The following LRRC45 variants were observed in gnomAD, a reference collection of about 807,000 sequenced individuals.
The protein encoded by LRRC45 is leucine rich repeat containing 45.
LRRC45 carries 73 observed loss-of-function variants against 85.4 expected under a neutral mutation model. The observed-to-expected ratio is 0.85, with a 90% confidence interval of 0.71 to 1.04. The LOEUF is 1.04. Ranked by LOEUF, LRRC45 falls within the 50% of genes least tolerant of loss-of-function variation. The pLI is 0.00. For missense variants in LRRC45, 937 were observed against 883.3 expected, an observed-to-expected ratio of 1.06 and a Z score of -0.77; for synonymous variants, 429 against 386.0, an observed-to-expected ratio of 1.11 and a Z score of -1.31.
chr17:82,025,849 G>C (rs747665585), intron 5 of LRRC45, among the ~76,000 whole-genome samples: 103 of 152,312 alleles, frequency 6.8e-4, no homozygotes, highest in Non-Finnish European at 1.0e-3. Flanking sequence ...CTTGGCCTTG[G>C]CCAGGAAGGC....
At chr17:82,029,249 C>A (rs1020709161) in intron 13 of LRRC45, 64 bp downstream of exon 13, 2 of 1,479,970 alleles carry the variant, frequency 1.4e-6, no homozygotes, top group African/African-American at 2.8e-5. Context: ...GCAGGGGCCC[C>A]TGGTGTTCGC....
At position 82,025,449 on chromosome 17, in the gene LRRC45, C is replaced by T. The variant is rs776047790; in HGVS notation, c.603C>T (p.Thr201=). The T allele has an allele frequency of 1.2e-6, 2 of 1,610,096 alleles. No individual in the cohort carries two copies. The highest frequency in any genetic ancestry group is 1.1e-5 in the South Asian group (1 of 90,220). ...TGAACTGTCTCCCCAGCAACAGAAC[C>T]CTGTGGAGACTGGACCTGGCTGGGA... ...ALMNCLPSNR[T]LWRLDLAGNN... The change falls in exon 5 of 17, where the codon ACC becomes ACT. Residue 201 remains threonine (T), a synonymous_variant. Coordinates refer to ENST00000306688, the MANE Select transcript of LRRC45 (RefSeq NM_144999.4).
In LRRC45 at chr17:82,028,466, A is replaced by G; in HGVS notation, c.1195A>G (p.Ser399Gly). ...GTTCCAGACCAGGCAGGAGATGACC[A>G]GCATGTCAGCTGAGCTGAAGATGCG... The part of the protein sequence containing the change: ...QLFQTRQEMT[S>G]MSAELKMRAI... The change falls in exon 11 of 17, where the codon AGC becomes GGC. Residue 399 changes from serine to glycine, a missense_variant. Ser to Gly is a moderately conservative substitution (Grantham distance 56). Coordinates refer to ENST00000306688, the MANE Select transcript of LRRC45 (RefSeq NM_144999.4). The G allele has an allele frequency of 6.2e-7, 1 of 1,612,646 alleles. No individual in the cohort carries two copies. The highest frequency in any genetic ancestry group is 1.1e-5 in the South Asian group (1 of 91,052).
At chr17:82,027,983 G>A (rs1279847786) in intron 8 of LRRC45, 28 bp from the exon 9 acceptor site, 4 of 1,578,600 alleles carry the variant, frequency 2.5e-6, no homozygotes, top group Admixed American at 1.8e-5. Flanking sequence ...TCCAACCGGG[G>A]CGGGGGTGCT....
intron 4 of LRRC45, 37 bp downstream of exon 4, chr17:82,025,215 C>A: frequency 6.4e-7 from 1 of 1,556,072 alleles, no homozygotes; most frequent in Non-Finnish European, 8.7e-7. Context: ...TCCCTCATCC[C>A]TCTGAGGCTG....
Position 82,028,257 on chromosome 17 carries a change from A to G in LRRC45, c.1071A>G (p.Lys357=). The change falls in exon 10 of 17, where the codon AAA becomes AAG. Residue 357 remains lysine (K), a synonymous_variant. Coordinates refer to ENST00000306688, the MANE Select transcript of LRRC45 (RefSeq NM_144999.4). Reference sequence around the variant, plus strand: ...AGGAAGCTGCAGAGCGGGAGTCTAAACTCCTCAGAGACTTGTCTGCTGCCA... The same window carrying G: ...AGGAAGCTGCAGAGCGGGAGTCTAAGCTCCTCAGAGACTTGTCTGCTGCCA... ...EQQEAAERES[K]LLRDLSAANE... is the part of the protein sequence containing the mutation. 54 of 1,579,014 alleles carry G rather than the reference A, an allele frequency of 3.4e-5. No homozygotes were observed. The highest frequency in any genetic ancestry group is 4.6e-5 in the Non-Finnish European group (54 of 1,162,444).
In LRRC45 at chr17:82,025,907, TG is replaced by T. The variant is rs552062866; in HGVS notation, c.661+404del. ...GGCCCTGCATGTGAGTCAGGTGAGG[TG>T]GGGCCCCCTGGCTTGTGCTGGCCTC... On this transcript the variant is annotated intron_variant, in intron 5 of 16. Transcript: ENST00000306688. 2.9e-3 allele frequency among the ~76,000 whole-genome samples: 440 copies of T among 152,208 alleles called. 2 individuals carry two copies. In the Middle Eastern group the frequency reaches 0.034, roughly 12 times the overall value.
Position 82,028,273 on chromosome 17 carries a change from T to G in LRRC45, c.1087T>G (p.Ser363Ala). 1 of 1,582,680 alleles carries G rather than the reference T, an allele frequency of 6.3e-7. No homozygotes were observed. Among genetic ancestry groups the G allele is most frequent in the Non-Finnish European group, 8.6e-7 (1 of 1,164,552 alleles). Residue 363 changes from serine (S) to alanine (A), a missense_variant, in exon 10 of 17, where the codon TCT becomes GCT. By Grantham distance (99) the Ser-to-Ala change is moderately conservative (BLOSUM62 1). Transcript: ENST00000306688. ...ERESKLLRDLSAANEKNLLLQ... is the reference protein window; with the variant it reads ...ERESKLLRDLAAANEKNLLLQ... ...GGAGTCTAAACTCCTCAGAGACTTG[T>G]CTGCTGCCAATGAAAAGAACCTGCT...
intron 12 of LRRC45, 103 bp downstream of exon 12, chr17:82,028,786 G>T: frequency 7.8e-7 from 1 of 1,288,340 alleles, no homozygotes; most frequent in South Asian, 1.4e-5. Flanking sequence ...TGCCAACCTT[G>T]GGTCACTGGG....
rs751673034 is a variant in LRRC45 at position 82,027,109 on chromosome 17, TC to T, written c.774+100del. On this transcript the variant is annotated intron_variant, in intron 6 of 16. Coordinates refer to ENST00000306688, the MANE Select transcript of LRRC45 (RefSeq NM_144999.4). ...GCCCCGTGGTCTGCCCATCTTCCCTTCCTCGGGGCCCTGGAGCCTCTCTGAG... is the reference window on the plus strand; with the variant it reads ...GCCCCGTGGTCTGCCCATCTTCCCTTCTCGGGGCCCTGGAGCCTCTCTGAG... 3.8e-4 allele frequency: 419 copies of T among 1,106,280 alleles called. 1 individual carries two copies. The highest frequency in any genetic ancestry group is 5.1e-4 in the Non-Finnish European group (388 of 757,238). The allele number at this position is 1,106,280 out of a possible 1,614,324, so 68.5% of individuals were successfully genotyped here.
intron 7 of LRRC45, 56 bp from the exon 8 acceptor site, chr17:82,027,618 G>T: frequency 6.4e-7 from 1 of 1,566,392 alleles, no homozygotes; most frequent in Non-Finnish European, 8.7e-7. Context: ...GGCCAGAGGG[G>T]TATGGGAGCG....
Position 82,025,100 on chromosome 17 carries a change from C to T in LRRC45, c.454C>T (p.Arg152Cys), listed in dbSNP as rs752338494. 1.4e-5 allele frequency: 23 copies of T among 1,611,062 alleles called. No homozygotes were observed. The highest frequency in any genetic ancestry group is 1.7e-4 in the Middle Eastern group (1 of 6,050). The change falls in exon 4 of 17, where the codon CGC (arginine) becomes TGC (cysteine). Residue 152 changes from arginine to cysteine, a missense_variant. Coordinates refer to ENST00000306688, the MANE Select transcript of LRRC45 (RefSeq NM_144999.4). ...ANGALQRLDL[R>C]NNQISHKGAE... Reference sequence around the variant, plus strand: ...CGGCGCCCTGCAGCGGCTGGACCTCCGCAACAACCAGATCAGTCACAAGGG... The same window carrying T: ...CGGCGCCCTGCAGCGGCTGGACCTCTGCAACAACCAGATCAGTCACAAGGG...
rs751249175 is a variant in LRRC45 at position 82,029,120 on chromosome 17, G to A, written c.1336G>A (p.Glu446Lys). 1.2e-6 allele frequency: 2 copies of A among 1,612,726 alleles called. No homozygotes were observed. Among genetic ancestry groups the A allele is most frequent in the Non-Finnish European group, 1.7e-6 (2 of 1,179,934 alleles). Residue 446 changes from glutamate (E) to lysine (K), a missense_variant, in exon 13 of 17, where the codon GAG becomes AAG. Coordinates refer to ENST00000306688, the MANE Select transcript of LRRC45 (RefSeq NM_144999.4). The stretch of plus-strand genomic sequence containing the variant: ...GGAGCATATGACCCGTCACCTGGAG[G>A]AGAGTGAGAAGGCCATGCAGGAGCG... ...EVEHMTRHLE[E>K]SEKAMQERVQ...
Position 82,024,340 on chromosome 17 carries a change from G to T in LRRC45, c.282+1G>T. On this transcript the variant is annotated splice_donor_variant, in intron 2 of 16. Transcript: ENST00000306688. LOFTEE classifies it high-confidence loss of function. ...CGTGCTGCGCTTTCTGGACTTAAAG[G>T]TGAGATACCTGCACTCTTGAGTGTC... 1 of 1,612,316 alleles carries T rather than the reference G, an allele frequency of 6.2e-7. No individual in the cohort carries two copies. Among genetic ancestry groups the T allele is most frequent in the Non-Finnish European group, 8.5e-7 (1 of 1,179,912 alleles).
intron 5 of LRRC45, among the ~76,000 whole-genome samples, chr17:82,026,604 G>C (rs1364201889): frequency 6.6e-6 from 1 of 151,678 alleles, no homozygotes; most frequent in Non-Finnish European, 1.5e-5. Flanking sequence ...GTGTGTGACT[G>C]AGTTTCACTC....
rs955189834 is a variant in LRRC45, at chr17:82,028,218, C to T, written c.1048-16C>T. The T allele has an allele frequency of 3.2e-6, 5 of 1,565,696 alleles. No homozygotes were observed. Among genetic ancestry groups the T allele is most frequent in the Non-Finnish European group, 4.3e-6 (5 of 1,155,168 alleles). ...GCTTCGTGACCCTCACTACCCATAC[C>T]CCGTTCCCCTCCCAGGAAGCTGCAG... On this transcript the variant is annotated splice_polypyrimidine_tract_variant and intron_variant, in intron 9 of 16. Coordinates refer to ENST00000306688, the MANE Select transcript of LRRC45 (RefSeq NM_144999.4).
At chr17:82,024,836 GC>G in intron 3 of LRRC45, 73 bp downstream of exon 3, 1 of 1,494,188 alleles carries the variant, frequency 6.7e-7, no homozygotes. Flanking sequence ...TGCTTCTGCA[GC>G]CCAAGAGTTC....
Position 82,023,826 on chromosome 17 carries a change from G to T in LRRC45, c.183G>T (p.Thr61=). 1 of 1,568,478 alleles carries T rather than the reference G, an allele frequency of 6.4e-7. No individual in the cohort carries two copies. Residue 61 remains threonine (T), a synonymous_variant, in exon 1 of 17, where the codon ACG becomes ACT. Transcript: ENST00000306688. ...TGCTGCCGAGGGAGACGCTGTGCAC[G>T]GAGCTGGTCCTGAGTGACTGCATGC... ...GKLLPRETLC[T]ELVLSDCMLS... is the part of the protein sequence containing the mutation.
chr17:82,024,588 T>TGCA, intron 2 of LRRC45, 105 bp from the exon 3 acceptor site: 11 of 1,308,758 alleles, frequency 8.4e-6, no homozygotes, highest in Non-Finnish European at 1.2e-5. Context: ...GGCTGCAGGG[T>TGCA]GCACCCCAGG....
Sources: gnomAD v4.1 joint callset for allele counts (sites outside exome capture counted in the v4.1 genomes callset) on GRCh38, gnomAD v4.1.1 for gene constraint, MANE v1.5 for transcripts, NCBI Gene and HGNC (gene_info 2026-07-23, HGNC 2026-07-21) for gene names.